Variants in NEDD9 observed in about 807,000 individuals in gnomAD.
NEDD9 encodes the protein enhancer of filamentation 1.
In NEDD9, 26 loss-of-function variants were observed where a neutral mutation model predicts 76.6. That is an observed-to-expected ratio of 0.34 (90% CI 0.25 to 0.47). The LOEUF (loss-of-function observed/expected upper bound fraction) is 0.47, where lower values mean the gene tolerates loss of function less well. Among genes scored for constraint, NEDD9 ranks in the 20% least tolerant of loss-of-function variants. The pLI is 1.00. For missense variants in NEDD9, 937 were observed against 1,058.5 expected, an observed-to-expected ratio of 0.89 and a Z score of 1.59; for synonymous variants, 392 against 414.2, an observed-to-expected ratio of 0.95 and a Z score of 0.65.
chr6:11,367,928 A>G (rs562937640), intron 1 of NEDD9, among the ~76,000 whole-genome samples: 1 of 152,192 alleles, frequency 6.6e-6, no homozygotes, highest in Non-Finnish European at 1.5e-5. Flanking sequence ...AACTCTCGGG[A>G]TTGTATGAGA....
intron 1 of NEDD9, among the ~76,000 whole-genome samples, chr6:11,381,573 G>A (rs537535877): frequency 5.3e-5 from 8 of 152,260 alleles, no homozygotes; most frequent in South Asian, 4.1e-4. Context: ...GCTCTTGGGC[G>A]GCTCACTATG....
intron 1 of NEDD9, among the ~76,000 whole-genome samples, chr6:11,231,882 A>C (rs541331946): frequency 9.2e-5 from 14 of 152,164 alleles, no homozygotes; most frequent in Non-Finnish European, 1.6e-4. Flanking sequence ...CTCTCACCCC[A>C]TTCAAACTCC....
At chr6:11,220,959 G>A (rs1326363386) in intron 1 of NEDD9, among the ~76,000 whole-genome samples, 1 of 152,204 alleles carries the variant, frequency 6.6e-6, no homozygotes, top group African/African-American at 2.4e-5. Context: ...GCATATATGT[G>A]TGTATACGTG....
intron 3 of NEDD9, among the ~76,000 whole-genome samples, chr6:11,260,474 T>A (rs1760086178): frequency 6.6e-6 from 1 of 152,202 alleles, no homozygotes. Context: ...TAGTATATAT[T>A]TCATAAGATG....
At chr6:11,306,294 T>A in intron 2 of NEDD9, 1 of 491,462 alleles carries the variant, frequency 2.0e-6, no homozygotes, top group Non-Finnish European at 3.7e-6. Flanking sequence ...CATCCATTCA[T>A]TCATGCAATC....
chr6:11,200,929 C>T, intron 2 of NEDD9: 2 of 1,614,024 alleles, frequency 1.2e-6, no homozygotes, highest in Admixed American at 3.3e-5. Flanking sequence ...AGCCTCCAAA[C>T]TCAGGACACT....
upstream of NEDD9, among the ~76,000 whole-genome samples, chr6:11,236,305 C>G (rs1423853668): frequency 6.6e-6 from 1 of 152,204 alleles, no homozygotes; most frequent in Non-Finnish European, 1.5e-5. This position sits in a 1 kb window ranked among gnomAD's most constrained non-coding sequence, Gnocchi z 5.5. Flanking sequence ...CGCCTGCCTG[C>G]TCTTCAACCA....
chr6:11,330,882 C>T (rs1455032480), intron 2 of NEDD9, among the ~76,000 whole-genome samples: 1 of 152,200 alleles, frequency 6.6e-6, no homozygotes, highest in Non-Finnish European at 1.5e-5. Flanking sequence ...TGTTGTTAAC[C>T]TAGCACTGCT....
chr6:11,353,676 G>T (rs1407443559), intron 1 of NEDD9, among the ~76,000 whole-genome samples: 2 of 152,226 alleles, frequency 1.3e-5, no homozygotes, highest in Non-Finnish European at 2.9e-5. Flanking sequence ...GAGTCCATAG[G>T]ACTGGAAGTT....
chr6:11,270,489 CA>C (rs1362088490), intron 3 of NEDD9, among the ~76,000 whole-genome samples: 1 of 151,432 alleles, frequency 6.6e-6, no homozygotes, highest in African/African-American at 2.4e-5. Context: ...CTAAAATAAA[CA>C]AGCAGACACT....
chr6:11,319,465 C>G (rs1367364210), intron 2 of NEDD9, among the ~76,000 whole-genome samples: 1 of 150,960 alleles, frequency 6.6e-6, no homozygotes, highest in African/African-American at 2.4e-5. Flanking sequence ...CACACTGGTA[C>G]ACACTCACAC....
intron 1 of NEDD9, among the ~76,000 whole-genome samples, chr6:11,374,555 C>T (rs766958716): frequency 3.3e-5 from 5 of 152,116 alleles, no homozygotes; most frequent in Non-Finnish European, 7.4e-5. Context: ...GGAAACTAGT[C>T]AAAGGTTACT....
intron 5 of NEDD9, among the ~76,000 whole-genome samples, chr6:11,189,412 G>A (rs1164504357): frequency 1.3e-5 from 2 of 152,182 alleles, no homozygotes; most frequent in African/African-American, 4.8e-5. Context: ...GGTCCTCTAG[G>A]TAAGTCTGAG....
intron 3 of NEDD9, among the ~76,000 whole-genome samples, chr6:11,293,465 TC>T (rs763020062): frequency 3.3e-5 from 5 of 151,802 alleles, no homozygotes; most frequent in African/African-American, 9.7e-5. Flanking sequence ...TTGTTTTCTA[TC>T]CCCCCCTCTC....
intron 2 of NEDD9, among the ~76,000 whole-genome samples, chr6:11,333,324 A>T (rs2113507102): frequency 6.6e-6 from 1 of 152,324 alleles, no homozygotes; most frequent in South Asian, 2.1e-4. Flanking sequence ...GAGTTGTGTT[A>T]GGCAATGGAA....
At chr6:11,374,044 A>ATCTC (rs748028297) in intron 1 of NEDD9, among the ~76,000 whole-genome samples, 40 of 150,908 alleles carry the variant, frequency 2.7e-4, no homozygotes, top group African/African-American at 5.1e-4. Flanking sequence ...CATAAAATAA[A>ATCTC]TCTCTCTCTC....
intron 3 of NEDD9, among the ~76,000 whole-genome samples, chr6:11,292,471 T>C (rs745840902): frequency 6.6e-6 from 1 of 152,178 alleles, no homozygotes; most frequent in Non-Finnish European, 1.5e-5. Flanking sequence ...ATGAAAAAGT[T>C]AAACCTCCAT....
At chr6:11,259,023 C>T (rs1760057518) in intron 3 of NEDD9, 1 of 152,330 alleles carries the variant, frequency 6.6e-6, no homozygotes, top group Non-Finnish European at 1.5e-5. Flanking sequence ...CAGGACCCAG[C>T]TTCCAGGTCA....
Position 11,285,893 on chromosome 6 carries a change from T to C in NEDD9, c.12+20099A>G, listed in dbSNP as rs1162658480. Among the ~76,000 whole-genome samples the C allele has an allele frequency of 2.0e-5, 3 of 152,094 alleles. No homozygotes were observed. In the East Asian group the frequency reaches 5.8e-4, roughly 29 times the overall value. ...CAGAAATAAATATAAAACCTAAAAC[T>C]ATAAAAATATAAGAGAAAATGTTTG... On this transcript the variant is annotated intron_variant, in intron 3 of 3. Coordinates refer to the NEDD9 transcript ENST00000397378.
Sources: allele counts gnomAD v4.1 joint callset (sites outside exome capture counted in the v4.1 genomes callset), GRCh38; gene constraint gnomAD v4.1.1; non-coding constraint Gnocchi (gnomAD v3.1); transcripts MANE v1.5; gene names NCBI Gene and HGNC (gene_info 2026-07-23, HGNC 2026-07-21).